The following TDP1 variants were observed in gnomAD, a reference collection of about 807,000 sequenced individuals.
TDP1 encodes tyrosyl-DNA phosphodiesterase 1.
In TDP1, 64 loss-of-function variants were observed where a neutral mutation model predicts 81.5. The observed-to-expected ratio is 0.79, with a 90% CI of 0.64 to 0.97. The LOEUF is 0.97. Among genes scored for constraint, TDP1 ranks in the 50% least tolerant of loss-of-function variants. TDP1 has a pLI of 0.00. For synonymous variants in TDP1, 256 were observed against 264.3 expected, an observed-to-expected ratio of 0.97 and a Z score of 0.30; for missense variants, 723 against 743.8, an observed-to-expected ratio of 0.97 and a Z score of 0.33.
intron 14 of TDP1, among the ~76,000 whole-genome samples, chr14:90,015,951 C>G (rs551380717): frequency 6.6e-6 from 1 of 152,202 alleles, no homozygotes; most frequent in Non-Finnish European, 1.5e-5. Flanking sequence ...ACCACAATTT[C>G]CAGAATTCCC....
rs1000585609 is a variant in TDP1 at position 90,033,296 on chromosome 14, T to G, written c.1753+82T>G. ...GCCCAGGAGAAGCCTTTGGTCTCAG[T>G]GGGATCCTGGCTCATGGAACCCTCT... On this transcript the variant is annotated intron_variant, in intron 16 of 16. Transcript: ENST00000335725. 15 of 847,120 alleles carry G rather than the reference T, an allele frequency of 1.8e-5. No homozygotes were observed. The African/African-American group carries it at 2.5e-4, about 14-fold the overall frequency. 52.5% of individuals were successfully genotyped at this position (847,120 alleles called of 1,614,324 possible).
In TDP1 at chr14:90,004,685, T is replaced by TG. The variant is rs148994932; in HGVS notation, c.1541+11203dup. ...AAGACAGGTGTGGTCCCTGCTCTCA[T>TG]GAACTTGCCTTCTAATTGATGTAGA... is the stretch of plus-strand genomic sequence containing the variant. On this transcript the variant is annotated intron_variant, in intron 14 of 16. Coordinates refer to ENST00000335725, the MANE Select transcript of TDP1 (RefSeq NM_018319.4). Among the ~76,000 whole-genome samples, 584 of 152,334 alleles carry TG rather than the reference T, an allele frequency of 3.8e-3. 2 individuals carry two copies. Among genetic ancestry groups the TG allele is most frequent in the African/African-American group, 0.014 (564 of 41,568 alleles).
At position 89,980,624 on chromosome 14, in the gene TDP1, A is replaced by T. The variant is rs190449861; in HGVS notation, c.876A>T (p.Lys292Asn). 1 of 1,614,068 alleles carries T rather than the reference A, an allele frequency of 6.2e-7. No homozygotes were observed. The highest frequency in any genetic ancestry group is 1.3e-5 in the African/African-American group (1 of 75,040). The stretch of plus-strand genomic sequence containing the variant: ...TCATCCATGCTGACTGGCACCAGAA[A>T]ACTCAAGGGTTCGTAGGGGCCTGCT... ...SNLIHADWHQ[K>N]TQGIWLSPLY... Residue 292 changes from lysine to asparagine, a missense_variant, in exon 8 of 17, where the codon AAA (lysine) becomes AAT (asparagine). Transcript: ENST00000335725.
At chr14:90,029,466 T>C (rs1453350492) in intron 15 of TDP1, among the ~76,000 whole-genome samples, 2 of 150,660 alleles carry the variant, frequency 1.3e-5, no homozygotes, top group Admixed American at 1.3e-4. Flanking sequence ...CACAAAGTGC[T>C]GGCATTACAG....
At chr14:89,998,375 TATATATATATATA>T (rs1896835072) in intron 14 of TDP1, among the ~76,000 whole-genome samples, 2 of 4,150 alleles carry the variant, frequency 4.8e-4, no homozygotes, top group African/African-American at 7.0e-4. Flanking sequence ...AAGCACATTA[TATATATATATATA>T]TATATATATA....
intron 14 of TDP1, among the ~76,000 whole-genome samples, chr14:90,018,754 A>AT (rs1416566640): frequency 6.6e-6 from 1 of 152,044 alleles, no homozygotes; most frequent in East Asian, 1.9e-4. Flanking sequence ...TTGTACCATG[A>AT]TTTTTTTAGC....
In TDP1 at chr14:89,996,260, A is replaced by G. The variant is rs369056755; in HGVS notation, c.1541+2777A>G. ...CCCCACGTCCTGTAGGCTAAAGTAC[A>G]GATTCCTCAGTTTGGAAGTCATGCC... On this transcript the variant is annotated intron_variant, in intron 14 of 16. Coordinates refer to ENST00000335725, the MANE Select transcript of TDP1 (RefSeq NM_018319.4). Among the ~76,000 whole-genome samples, 40 of 152,278 alleles carry G rather than the reference A, an allele frequency of 2.6e-4. 1 individual carries two copies. In the South Asian group the frequency reaches 6.2e-3, roughly 24 times the overall value.
chr14:89,958,274 A>C (rs12892729), intron 2 of TDP1: 41,702 of 152,284 alleles, frequency 0.27, 7,058 homozygotes, highest in Non-Finnish European at 0.39. Flanking sequence ...TTGCTTCACT[A>C]GCGGAACGGA....
At chr14:90,033,274 C>T (rs1205725878) in intron 16 of TDP1, 60 bp downstream of exon 16, 1 of 988,744 alleles carries the variant, frequency 1.0e-6, no homozygotes. Flanking sequence ...AAACAGAGCC[C>T]AGGAGAAGCC....
intron 14 of TDP1, among the ~76,000 whole-genome samples, chr14:89,995,658 A>G (rs35364772): frequency 6.6e-6 from 1 of 152,312 alleles, no homozygotes; most frequent in East Asian, 1.9e-4. Flanking sequence ...AGCTCCCTTG[A>G]TTAGGTTTGG....
At position 89,963,216 on chromosome 14, in the gene TDP1, C is replaced by T. The variant is rs1296847388; in HGVS notation, c.102C>T (p.Leu34=). The change falls in exon 3 of 17, where the codon CTC becomes CTT. Residue 34 remains leucine, a synonymous_variant. Coordinates refer to ENST00000335725, the MANE Select transcript of TDP1 (RefSeq NM_018319.4). ...KPDKPSTSSL[L]CARQGAANEP... Reference sequence around the variant, plus strand: ...ACAAGCCATCTACCTCTTCTCTTCTCTGTGCCAGGCAAGGAGCAGCAAATG... The same window carrying T: ...ACAAGCCATCTACCTCTTCTCTTCTTTGTGCCAGGCAAGGAGCAGCAAATG... 1.9e-6 allele frequency: 3 copies of T among 1,614,176 alleles called. No individual in the cohort carries two copies. Among genetic ancestry groups the T allele is most frequent in the East Asian group, 2.2e-5 (1 of 44,884 alleles).
chr14:89,960,119 T>A (rs1403470734), intron 2 of TDP1, among the ~76,000 whole-genome samples: 2 of 152,176 alleles, frequency 1.3e-5, no homozygotes, highest in African/African-American at 4.8e-5. Flanking sequence ...CAGAGAGTGG[T>A]TTTTCCTAAG....
upstream of TDP1, chr14:89,955,864 C>A (rs1481847908): frequency 6.8e-6 from 1 of 147,996 alleles, no homozygotes; most frequent in Non-Finnish European, 1.5e-5. Flanking sequence ...GGGAAGGGGC[C>A]GGGCCTCGAG....
In TDP1 at chr14:89,965,996, A is replaced by C; in HGVS notation, c.560-151A>C. On this transcript the variant is annotated intron_variant, in intron 3 of 16. Transcript: ENST00000335725. ...GGGAAATTTTTTTTGAATTTTATGA[A>C]ACATTAAAGTCTGACTTTGTAGTAA... 13 of 1,031,206 alleles carry C rather than the reference A, an allele frequency of 1.3e-5. No homozygotes were observed. The South Asian group carries it at 2.0e-4, about 16-fold the overall frequency. The allele number at this position is 1,031,206 out of a possible 1,614,324, so 63.9% of individuals were successfully genotyped here. A position where few individuals can be genotyped will look rare whatever the true frequency, so the allele number is the denominator to read the frequency against.
chr14:90,002,728 G>C (rs1181943002), intron 14 of TDP1, among the ~76,000 whole-genome samples: 1 of 151,326 alleles, frequency 6.6e-6, no homozygotes, highest in Admixed American at 6.6e-5. Context: ...AAAAGGCGGG[G>C]GATGCTTGGT....
chr14:90,001,306 G>GGAACCA (rs1322653790), intron 14 of TDP1, among the ~76,000 whole-genome samples: 4 of 152,014 alleles, frequency 2.6e-5, no homozygotes, highest in Non-Finnish European at 5.9e-5. Flanking sequence ...ATTATGTGTT[G>GGAACCA]TGATTGAGGT....
At chr14:90,011,445 A>T (rs986899822) in intron 14 of TDP1, among the ~76,000 whole-genome samples, 6 of 152,242 alleles carry the variant, frequency 3.9e-5, no homozygotes, top group African/African-American at 1.4e-4. Context: ...TGGAGGGCTC[A>T]GAAGACAGGA....
intron 8 of TDP1, chr14:89,983,042 T>C (rs953069999): frequency 1.1e-5 from 5 of 443,352 alleles, no homozygotes; most frequent in Non-Finnish European, 2.2e-5. Context: ...TTTCTCATTT[T>C]GTGATGTGTT....
chr14:89,963,700 C>T (rs1368181882), intron 3 of TDP1, 27 bp downstream of exon 3: 16 of 1,613,098 alleles, frequency 9.9e-6, no homozygotes, highest in East Asian at 2.2e-5. Context: ...TGTCAAGGAG[C>T]TGTTGAATTG....
Sources: allele counts gnomAD v4.1 joint callset (sites outside exome capture counted in the v4.1 genomes callset), GRCh38; gene constraint gnomAD v4.1.1; transcripts MANE v1.5; gene names NCBI Gene and HGNC (gene_info 2026-07-23, HGNC 2026-07-21).